Variants in USP12 observed in about 807,000 individuals in gnomAD.
The protein encoded by USP12 is ubiquitin specific peptidase 12, also known as ubiquitin carboxyl-terminal hydrolase 12.
In USP12, 19 loss-of-function variants were observed where a neutral mutation model predicts 45.5. That is an observed-to-expected ratio of 0.42 (90% CI 0.29 to 0.61). The LOEUF (loss-of-function observed/expected upper bound fraction) is 0.61. Among genes scored for constraint, USP12 ranks in the 20% least tolerant of loss-of-function variants. The pLI is 0.22. For missense variants in USP12, 242 were observed against 447.7 expected, an observed-to-expected ratio of 0.54 and a Z score of 4.15; for synonymous variants, 149 against 148.8, an observed-to-expected ratio of 1.00 and a Z score of -0.01.
intron 2 of USP12, among the ~76,000 whole-genome samples, chr13:27,110,518 C>A (rs1204803535): frequency 5.3e-5 from 8 of 152,184 alleles, no homozygotes; most frequent in South Asian, 2.1e-4. Flanking sequence ...TGAGATCCAA[C>A]CCCTCTCCAG....
chr13:27,148,676 T>TTATATATATATA (rs59164229), intron 1 of USP12, among the ~76,000 whole-genome samples: 9 of 139,432 alleles, frequency 6.5e-5, no homozygotes, highest in African/African-American at 1.3e-4. Context: ...AAAAAAAAAA[T>TTATATATATATA]TATATATATA....
chr13:27,127,010 T>A (rs1415897929), intron 1 of USP12, among the ~76,000 whole-genome samples: 1 of 152,166 alleles, frequency 6.6e-6, no homozygotes, highest in Non-Finnish European at 1.5e-5. Flanking sequence ...CTGACACAAT[T>A]TCTGTGGCTG....
intron 3 of USP12, 134 bp from the exon 4 acceptor site, chr13:27,095,964 A>C: frequency 1.6e-6 from 1 of 611,800 alleles, no homozygotes; most frequent in Non-Finnish European, 2.6e-6. Context: ...ATGTATAACA[A>C]ATAACTTTCG....
intron 6 of USP12, among the ~76,000 whole-genome samples, chr13:27,083,874 A>ATT (rs200808709): frequency 0.063 from 9,200 of 146,760 alleles, 349 homozygotes; most frequent in African/African-American, 0.082. Context: ...ATATATATAT[A>ATT]TTTTTTTGAG....
At chr13:27,125,945 G>A (rs984845676) in intron 1 of USP12, among the ~76,000 whole-genome samples, 1 of 152,248 alleles carries the variant, frequency 6.6e-6, no homozygotes, top group Non-Finnish European at 1.5e-5. Context: ...GTGGTTCTGT[G>A]CTTACAGCAT....
intron 4 of USP12, among the ~76,000 whole-genome samples, chr13:27,091,170 G>C (rs2137771835): frequency 6.6e-6 from 1 of 152,238 alleles, no homozygotes; most frequent in Non-Finnish European, 1.5e-5. Flanking sequence ...GAGAAAAAAA[G>C]AGGACATGAT....
chr13:27,091,109 T>C (rs528760882), intron 4 of USP12, among the ~76,000 whole-genome samples: 8 of 152,054 alleles, frequency 5.3e-5, no homozygotes, highest in Non-Finnish European at 1.0e-4. Flanking sequence ...ATAACTGACC[T>C]GAGTCTCAAA....
At chr13:27,079,950 G>A (rs1873671757) in intron 6 of USP12, among the ~76,000 whole-genome samples, 1 of 152,206 alleles carries the variant, frequency 6.6e-6, no homozygotes, top group African/African-American at 2.4e-5. Context: ...AGGGCAAATA[G>A]AATGCTTTAT....
intron 3 of USP12, among the ~76,000 whole-genome samples, chr13:27,100,550 C>T (rs1274596893): frequency 6.6e-6 from 1 of 152,174 alleles, no homozygotes; most frequent in Non-Finnish European, 1.5e-5. Flanking sequence ...TTTCTCTCTC[C>T]ACTTTGCCTC....
intron 2 of USP12, among the ~76,000 whole-genome samples, chr13:27,113,756 G>A (rs994555901): frequency 1.3e-5 from 2 of 152,116 alleles, no homozygotes; most frequent in African/African-American, 2.4e-5. Context: ...TCTTTTCCCA[G>A]GTTTGATATG....
chr13:27,075,042 A>C, intron 7 of USP12, 149 bp downstream of exon 7: 1 of 627,818 alleles, frequency 1.6e-6, no homozygotes, highest in Non-Finnish European at 2.4e-6. Flanking sequence ...ATAAAACATA[A>C]AGCTAAAACT....
At chr13:27,111,380 C>T (rs1031783081) in intron 2 of USP12, among the ~76,000 whole-genome samples, 1 of 152,082 alleles carries the variant, frequency 6.6e-6, no homozygotes, top group Non-Finnish European at 1.5e-5. Flanking sequence ...TTTGTGAATG[C>T]TCAATTTCTT....
chr13:27,093,731 T>C, intron 4 of USP12, among the ~76,000 whole-genome samples: 1 of 152,260 alleles, frequency 6.6e-6, no homozygotes, highest in East Asian at 1.9e-4. Flanking sequence ...CAAATGTTTA[T>C]AGCAGCTTTA....
chr13:27,151,717 AG>A (rs1877576291), intron 1 of USP12, among the ~76,000 whole-genome samples: 1 of 152,162 alleles, frequency 6.6e-6, no homozygotes, highest in African/African-American at 2.4e-5. Context: ...AGGAGTTGCA[AG>A]GGATGATCAT....
chr13:27,135,761 C>T (rs1431367284), intron 1 of USP12, among the ~76,000 whole-genome samples: 1 of 152,072 alleles, frequency 6.6e-6, no homozygotes, highest in Non-Finnish European at 1.5e-5. Context: ...ATATAAATTA[C>T]AAATCTGCTG....
At chr13:27,110,127 TA>T (rs1555234986) in intron 2 of USP12, among the ~76,000 whole-genome samples, 1,689 of 119,574 alleles carry the variant, frequency 0.014, 41 homozygotes, top group African/African-American at 0.052. Context: ...CTTTTCCAGG[TA>T]AAAAAAAAAA....
At chr13:27,147,615 TGAAAGTCAAAGACAA>T in intron 1 of USP12, among the ~76,000 whole-genome samples, 1 of 152,030 alleles carries the variant, frequency 6.6e-6, no homozygotes, top group East Asian at 1.9e-4. Flanking sequence ...ATAAAAATGC[TGAAAGTCAAAGACAA>T]AAAGACACAG....
intron 2 of USP12, among the ~76,000 whole-genome samples, chr13:27,107,122 C>T (rs1005351818): frequency 6.6e-6 from 1 of 152,024 alleles, no homozygotes; most frequent in Non-Finnish European, 1.5e-5. Flanking sequence ...GTTAGAAGTT[C>T]GAGACCAACT....
In USP12 at chr13:27,116,498, G is replaced by GT. The variant is rs750637286; in HGVS notation, c.129+17dup. 9.3e-6 allele frequency: 15 copies of GT among 1,608,942 alleles called. No individual in the cohort carries two copies. Among genetic ancestry groups the GT allele is most frequent in the Non-Finnish European group, 1.2e-5 (14 of 1,176,952 alleles). ...TGCTTCCGAACATGATTCTAAAAGC[G>GT]TATCAATGGATACTTACATTGACTA... On this transcript the variant is annotated intron_variant, in intron 2 of 8. Coordinates refer to ENST00000282344, the MANE Select transcript of USP12 (RefSeq NM_182488.4).
Sources: gnomAD v4.1 joint callset for allele counts (sites outside exome capture counted in the v4.1 genomes callset) on GRCh38, gnomAD v4.1.1 for gene constraint, MANE v1.5 for transcripts, NCBI Gene and HGNC (gene_info 2026-07-23, HGNC 2026-07-21) for gene names.